The following MDGA2 variants were observed in gnomAD, a reference collection of about 807,000 sequenced individuals.
MDGA2 encodes the protein MAM domain-containing glycosylphosphatidylinositol anchor protein 2.
In MDGA2, 40 loss-of-function variants were observed where a neutral mutation model predicts 117.8. That is an observed-to-expected ratio of 0.34 (90% CI 0.26 to 0.44). The LOEUF (loss-of-function observed/expected upper bound fraction) is 0.44. MDGA2 is among the 20% of genes least tolerant of loss of function. The pLI is 1.00. For missense variants in MDGA2, 1,123 were observed against 1,250.6 expected (o/e 0.90, Z 1.54); for synonymous variants, 452 against 439.0 (o/e 1.03, Z -0.37).
At chr14:46,967,366 T>C (rs1445661188) in intron 8 of MDGA2, among the ~76,000 whole-genome samples, 1 of 152,212 alleles carries the variant, frequency 6.6e-6, no homozygotes, top group Non-Finnish European at 1.5e-5. Context: ...GTTGTCTGGT[T>C]CTTTGTTGGG....
intron 10 of MDGA2, among the ~76,000 whole-genome samples, chr14:46,915,375 A>G (rs1429224900): frequency 6.6e-6 from 1 of 152,130 alleles, no homozygotes; most frequent in African/African-American, 2.4e-5. Context: ...TACCCTAAAT[A>G]CCCTGACCTC....
At chr14:47,092,380 C>A (rs76341548) in intron 6 of MDGA2, among the ~76,000 whole-genome samples, 2,658 of 152,124 alleles carry the variant, frequency 0.017, 63 homozygotes, top group African/African-American at 0.061. Flanking sequence ...ATAGTAAGTG[C>A]AAAACAGACC....
intron 2 of MDGA2, among the ~76,000 whole-genome samples, chr14:47,281,032 T>A (rs889762187): frequency 1.4e-5 from 2 of 147,678 alleles, no homozygotes; most frequent in Non-Finnish European, 3.0e-5. Context: ...AAATATATAA[T>A]TAATATAATA....
At chr14:47,355,860 A>G (rs951210630) in intron 1 of MDGA2, among the ~76,000 whole-genome samples, 3 of 152,158 alleles carry the variant, frequency 2.0e-5, no homozygotes, top group Non-Finnish European at 4.4e-5. Flanking sequence ...TAGGAGGCAG[A>G]TGCTTCTCTT....
rs369626692 is a variant in MDGA2 at position 47,573,289 on chromosome 14, C to T, written c.280+101228G>A. ...ATTCTTTTGGGGAGTGTTTTCCAAG[C>T]AGTTGAGTATGAACTGTTGGTTAGA... On this transcript the variant is annotated intron_variant, in intron 1 of 16. Coordinates refer to ENST00000399232, the MANE Select transcript of MDGA2 (RefSeq NM_001113498.3). Among the ~76,000 whole-genome samples, 52 of 152,218 alleles carry T rather than the reference C, an allele frequency of 3.4e-4. No homozygotes were observed. The South Asian group carries it at 0.011, about 32-fold the overall frequency.
intron 4 of MDGA2, among the ~76,000 whole-genome samples, chr14:47,142,628 T>C (rs1406710066): frequency 6.6e-6 from 1 of 152,168 alleles, no homozygotes; most frequent in Non-Finnish European, 1.5e-5. Context: ...AAATAAAATA[T>C]GTAATAGATG....
intron 1 of MDGA2, among the ~76,000 whole-genome samples, chr14:47,462,268 C>A (rs1284862058): frequency 7.5e-6 from 1 of 133,580 alleles, no homozygotes; most frequent in South Asian, 3.0e-4. Context: ...CCCAGGGACT[C>A]GGGAGGCTGA....
At chr14:47,090,379 T>G (rs2416021) in intron 6 of MDGA2, among the ~76,000 whole-genome samples, 78,461 of 151,052 alleles carry the variant, frequency 0.52, 20,619 homozygotes, top group East Asian at 0.83. Context: ...TTAGATCCTA[T>G]CCACAAAAAA....
chr14:47,153,663 G>A (rs1883249269), intron 3 of MDGA2, among the ~76,000 whole-genome samples: 1 of 149,350 alleles, frequency 6.7e-6, no homozygotes, highest in African/African-American at 2.5e-5. Flanking sequence ...CAGTGAGAGA[G>A]GCCTGGGCAG....
In MDGA2 at chr14:47,217,886, G is replaced by A. The variant is rs182393462; in HGVS notation, c.595+135C>T. ...ATTCCTTTCTTCAGGAACGTTTTAAGGGAGCTATCATTATTTTACACAGTT... is the reference window on the plus strand; with the variant it reads ...ATTCCTTTCTTCAGGAACGTTTTAAAGGAGCTATCATTATTTTACACAGTT... On this transcript the variant is annotated intron_variant, in intron 3 of 16. Transcript: ENST00000399232. 292 of 617,626 alleles carry A rather than the reference G, an allele frequency of 4.7e-4. No homozygotes were observed. The East Asian group carries it at 7.8e-3, about 17-fold the overall frequency. 38.3% of individuals were successfully genotyped at this position (617,626 alleles called of 1,614,324 possible).
At chr14:46,914,803 G>A (rs1481949234) in intron 10 of MDGA2, among the ~76,000 whole-genome samples, 3 of 152,020 alleles carry the variant, frequency 2.0e-5, no homozygotes, top group Non-Finnish European at 4.4e-5. Context: ...ATATTAAGAG[G>A]TGAGATTTTT....
chr14:47,485,079 G>A (rs1894031540), intron 1 of MDGA2, among the ~76,000 whole-genome samples: 1 of 152,094 alleles, frequency 6.6e-6, no homozygotes. Context: ...GTAACAAGCA[G>A]AGGTTGAAAC....
intron 7 of MDGA2, among the ~76,000 whole-genome samples, chr14:47,054,495 G>A (rs1043496442): frequency 1.8e-4 from 24 of 135,236 alleles, no homozygotes; most frequent in African/African-American, 6.5e-4. Context: ...TCCCCGGTGT[G>A]TGATGTTTCC....
intron 3 of MDGA2, among the ~76,000 whole-genome samples, chr14:47,174,197 T>C (rs1488067812): frequency 6.6e-6 from 1 of 152,064 alleles, no homozygotes; most frequent in Non-Finnish European, 1.5e-5. Flanking sequence ...ACAATAATAA[T>C]GGGAGACTTT....
At chr14:46,897,515 A>C (rs981395412) in intron 10 of MDGA2, among the ~76,000 whole-genome samples, 3 of 152,118 alleles carry the variant, frequency 2.0e-5, no homozygotes, top group African/African-American at 7.2e-5. Context: ...CCATCTGTTG[A>C]GAGCCTATTA....
intron 2 of MDGA2, among the ~76,000 whole-genome samples, chr14:47,219,239 T>C (rs574949930): frequency 3.3e-5 from 5 of 152,190 alleles, no homozygotes; most frequent in African/African-American, 1.2e-4. Context: ...TATTTTCATA[T>C]GAAGTTAATT....
intron 1 of MDGA2, among the ~76,000 whole-genome samples, chr14:47,343,432 T>C (rs1890692487): frequency 6.6e-6 from 1 of 152,198 alleles, no homozygotes; most frequent in Non-Finnish European, 1.5e-5. Context: ...ATCATGTCAC[T>C]ACATTTCACT....
chr14:47,323,719 A>G (rs1380165662), intron 1 of MDGA2, among the ~76,000 whole-genome samples: 1 of 150,518 alleles, frequency 6.6e-6, no homozygotes, highest in Non-Finnish European at 1.5e-5. Flanking sequence ...AACATTTTCA[A>G]CTGGAATGAC....
At chr14:47,282,593 G>A (rs1051935031) in intron 2 of MDGA2, among the ~76,000 whole-genome samples, 4 of 152,018 alleles carry the variant, frequency 2.6e-5, no homozygotes, top group African/African-American at 7.3e-5. Flanking sequence ...AGCTATTCGG[G>A]AGGCTGAGGC....
Sources: allele counts gnomAD v4.1 joint callset (sites outside exome capture counted in the v4.1 genomes callset), GRCh38; gene constraint gnomAD v4.1.1; transcripts MANE v1.5; gene names NCBI Gene and HGNC (gene_info 2026-07-23, HGNC 2026-07-21).